The following ANKS1B variants were observed in gnomAD, a reference collection of about 807,000 sequenced individuals.
ANKS1B encodes the protein ankyrin repeat and sterile alpha motif domain containing 1B, also known as ankyrin repeat and sterile alpha motif domain-containing protein 1B.
In ANKS1B, 36 loss-of-function variants were observed where a neutral mutation model predicts 148.3. The observed-to-expected ratio is 0.24, with a 90% CI of 0.19 to 0.32. The LOEUF (loss-of-function observed/expected upper bound fraction) is 0.32. ANKS1B is among the 10% of genes least tolerant of loss of function. The pLI is 1.00. For synonymous variants in ANKS1B, 542 were observed against 560.8 expected (o/e 0.97, Z 0.47); for missense variants, 1,157 against 1,542.6 (o/e 0.75, Z 4.19).
intron 9 of ANKS1B, among the ~76,000 whole-genome samples, chr12:99,623,514 C>T (rs188826182): frequency 6.6e-6 from 1 of 151,916 alleles, no homozygotes; most frequent in South Asian, 2.1e-4. Context: ...AAAGACTCTG[C>T]CAATAGGCTC....
Position 98,766,095 on chromosome 12 carries a change from A to G in ANKS1B, c.3579+6947T>C, listed in dbSNP as rs7303222. ...ATGTCTGGTTTCTAACTTCACAAAA[A>G]ATGGGATTAATTTAAGGCACTGAAA... On this transcript the variant is annotated intron_variant, in intron 25 of 26. Transcript: ENST00000683438. Among the ~76,000 whole-genome samples the G allele has an allele frequency of 4.8e-3, 727 of 152,336 alleles. 7 individuals are homozygous for G. Among genetic ancestry groups the G allele is most frequent in the African/African-American group, 0.017 (700 of 41,578 alleles).
intron 11 of ANKS1B, among the ~76,000 whole-genome samples, chr12:99,424,986 G>A (rs2095216179): frequency 6.6e-6 from 1 of 151,934 alleles, no homozygotes; most frequent in Non-Finnish European, 1.5e-5. Flanking sequence ...TCACTTCTAA[G>A]TTCTTTTCTG....
chr12:98,980,441 C>T (rs2099908000), intron 17 of ANKS1B, among the ~76,000 whole-genome samples: 4 of 152,188 alleles, frequency 2.6e-5, no homozygotes, highest in African/African-American at 9.7e-5. Context: ...CTCCTGACCT[C>T]GTGATCTGCC....
chr12:99,067,520 G>C, intron 16 of ANKS1B, among the ~76,000 whole-genome samples: 1 of 152,186 alleles, frequency 6.6e-6, no homozygotes, highest in East Asian at 1.9e-4. Context: ...TGTGGTGACA[G>C]AAGACATCAC....
At chr12:99,282,115 G>A (rs769159584) in intron 12 of ANKS1B, among the ~76,000 whole-genome samples, 1 of 152,122 alleles carries the variant, frequency 6.6e-6, no homozygotes, top group Non-Finnish European at 1.5e-5. Context: ...GTGAGGGGAG[G>A]AATTTGCTAT....
At chr12:98,922,257 A>G (rs1377267543) in intron 17 of ANKS1B, among the ~76,000 whole-genome samples, 3 of 151,996 alleles carry the variant, frequency 2.0e-5, no homozygotes, top group Admixed American at 1.3e-4. Flanking sequence ...TCTTTTTATG[A>G]CTCTAACCTT....
intron 1 of ANKS1B, among the ~76,000 whole-genome samples, chr12:99,955,752 C>CAGTA (rs1439459135): frequency 6.6e-6 from 1 of 151,888 alleles, no homozygotes; most frequent in Non-Finnish European, 1.5e-5. Context: ...CATTCAGTTA[C>CAGTA]CAAAATATTT....
At chr12:99,798,435 A>C (rs1263762872) in intron 4 of ANKS1B, among the ~76,000 whole-genome samples, 2 of 148,960 alleles carry the variant, frequency 1.3e-5, no homozygotes, top group Admixed American at 6.7e-5. Context: ...AAAAAAAAAA[A>C]AAAAAAAACA....
chr12:99,537,127 G>A (rs1000252166), intron 9 of ANKS1B, among the ~76,000 whole-genome samples: 11 of 152,066 alleles, frequency 7.2e-5, no homozygotes, highest in Admixed American at 1.3e-4. Flanking sequence ...ACTCCATTGC[G>A]TATAAGTACC....
chr12:99,632,476 G>C (rs1046884708), intron 9 of ANKS1B, among the ~76,000 whole-genome samples: 29 of 151,750 alleles, frequency 1.9e-4, no homozygotes, highest in African/African-American at 6.5e-4. Flanking sequence ...CAAAATGCCA[G>C]AACTATACAG....
intron 22 of ANKS1B, among the ~76,000 whole-genome samples, chr12:98,792,600 C>T (rs948339736): frequency 2.6e-5 from 4 of 152,162 alleles, no homozygotes; most frequent in African/African-American, 9.7e-5. Flanking sequence ...CCCTATTCCC[C>T]TCCTCCTCAT....
rs76718278 is a variant in ANKS1B at position 99,150,545 on chromosome 12, C to T, written c.2526+3744G>A. ...AAAGGAAATGTCTGTCCAGGAGGAG[C>T]GGGTAGAGAATACAGATGAGCAAAG... On this transcript the variant is annotated intron_variant, in intron 15 of 26. Transcript: ENST00000683438. Among the ~76,000 whole-genome samples, 597 of 151,844 alleles carry T rather than the reference C, an allele frequency of 3.9e-3. 25 individuals carry two copies. The East Asian group carries it at 0.082, about 21-fold the overall frequency.
intron 15 of ANKS1B, among the ~76,000 whole-genome samples, chr12:99,101,971 A>G (rs2058052061): frequency 1.3e-5 from 2 of 152,074 alleles, no homozygotes; most frequent in South Asian, 4.1e-4. Flanking sequence ...GGTTCAGGCT[A>G]ATGTTGTAGA....
intron 8 of ANKS1B, among the ~76,000 whole-genome samples, chr12:99,762,366 T>C (rs140749334): frequency 1.3e-5 from 2 of 151,482 alleles, no homozygotes; most frequent in African/African-American, 2.4e-5. Context: ...AGGAACAGAA[T>C]AGAGAACTCA....
At chr12:98,766,796 G>T (rs1446850303) in intron 25 of ANKS1B, among the ~76,000 whole-genome samples, 1 of 151,988 alleles carries the variant, frequency 6.6e-6, no homozygotes, top group Non-Finnish European at 1.5e-5. Context: ...ATTTAAAAAA[G>T]CACTCAAGAA....
intron 10 of ANKS1B, among the ~76,000 whole-genome samples, chr12:99,477,570 T>TTATTA (rs2096345521): frequency 6.6e-6 from 1 of 152,188 alleles, no homozygotes; most frequent in Non-Finnish European, 1.5e-5. Context: ...CTCAGCTTCC[T>TTATTA]TATTTGTAAA....
At chr12:99,313,612 CAT>C (rs1566869002) in intron 12 of ANKS1B, among the ~76,000 whole-genome samples, 1 of 152,176 alleles carries the variant, frequency 6.6e-6, no homozygotes, top group Non-Finnish European at 1.5e-5. Flanking sequence ...GTTGGTTCAA[CAT>C]ACGCAAATCA....
intron 10 of ANKS1B, among the ~76,000 whole-genome samples, chr12:99,470,114 C>CTAATAATAATAATAATAATAA (rs369653175): frequency 1.4e-5 from 2 of 148,014 alleles, no homozygotes; most frequent in African/African-American, 5.0e-5. Flanking sequence ...GACTCTGTCT[C>CTAATAATAATAATAATAATAA]TAATAATAAT....
chr12:99,366,299 G>A (rs144132391), intron 12 of ANKS1B, among the ~76,000 whole-genome samples: 218 of 152,130 alleles, frequency 1.4e-3, no homozygotes, highest in African/African-American at 4.1e-3. Flanking sequence ...CTTGGTTCCC[G>A]GGCTCTGATA....
Sources: gnomAD v4.1 joint callset for allele counts (sites outside exome capture counted in the v4.1 genomes callset) on GRCh38, gnomAD v4.1.1 for gene constraint, MANE v1.5 for transcripts, NCBI Gene and HGNC (gene_info 2026-07-23, HGNC 2026-07-21) for gene names.